The following PDZRN3 variants were observed in gnomAD, a reference collection of about 807,000 sequenced individuals.
PDZRN3 encodes the protein PDZ domain containing ring finger 3.
PDZRN3 carries 38 observed loss-of-function variants against 85.7 expected under a neutral mutation model. The observed-to-expected ratio is 0.44, with a 90% CI of 0.34 to 0.58. The LOEUF is 0.58. Among genes scored for constraint, PDZRN3 ranks in the 20% least tolerant of loss-of-function variants. PDZRN3 has a pLI of 0.01. For missense variants in PDZRN3, 1,629 were observed against 1,506.4 expected, an observed-to-expected ratio of 1.08 and a Z score of -1.35; for synonymous variants, 759 against 638.0, an observed-to-expected ratio of 1.19 and a Z score of -2.86.
intron 3 of PDZRN3, among the ~76,000 whole-genome samples, chr3:73,426,170 C>T (rs1294748210): frequency 2.6e-5 from 4 of 151,912 alleles, no homozygotes; most frequent in Admixed American, 6.6e-5. Context: ...TATATATATA[C>T]ACACATGCAT....
chr3:73,463,929 G>A (rs1397332839), intron 3 of PDZRN3, among the ~76,000 whole-genome samples: 5 of 151,950 alleles, frequency 3.3e-5, no homozygotes, highest in Admixed American at 2.6e-4. Flanking sequence ...CATCCTGCAC[G>A]TTACCCCTGA....
chr3:73,424,415 C>T (rs1322192485), intron 3 of PDZRN3, among the ~76,000 whole-genome samples: 2 of 146,144 alleles, frequency 1.4e-5, no homozygotes, highest in African/African-American at 5.1e-5. Context: ...GTGGCAGGTG[C>T]CTGTAGTCCC....
chr3:73,475,050 C>T (rs1277584058), intron 3 of PDZRN3, among the ~76,000 whole-genome samples: 2 of 151,874 alleles, frequency 1.3e-5, no homozygotes. Context: ...ATGAGCAAGT[C>T]CAGGCATTGA....
chr3:73,453,872 T>C (rs564513509), intron 3 of PDZRN3, among the ~76,000 whole-genome samples: 2 of 152,308 alleles, frequency 1.3e-5, no homozygotes, highest in Non-Finnish European at 2.9e-5. Flanking sequence ...TCAGTGCCTC[T>C]TATCCTTGTC....
At chr3:73,502,763 T>C (rs1704004950) in intron 3 of PDZRN3, among the ~76,000 whole-genome samples, 3 of 152,216 alleles carry the variant, frequency 2.0e-5, no homozygotes, top group Admixed American at 2.0e-4. Flanking sequence ...CAGGTATTTC[T>C]AAAGATCAGC....
At chr3:73,555,640 AC>A (rs1404507751) in intron 3 of PDZRN3, among the ~76,000 whole-genome samples, 1 of 152,162 alleles carries the variant, frequency 6.6e-6, no homozygotes, top group African/African-American at 2.4e-5. Context: ...CAAGTCCTAT[AC>A]TTTGGGGAGG....
Position 73,391,122 on chromosome 3 carries a change from C to T in PDZRN3, c.1255-6G>A, listed in dbSNP as rs1317179728. On this transcript the variant is annotated splice_polypyrimidine_tract_variant and splice_region_variant and intron_variant, in intron 5 of 9. Transcript: ENST00000263666. ...ATTCTGTAGAGGTCCACTTCCTAGA[C>T]AAAGAAAGGCATTCCCAGTGAGACT... The T allele has an allele frequency of 2.5e-6, 4 of 1,582,424 alleles. No individual in the cohort carries two copies. The highest frequency in any genetic ancestry group is 3.5e-6 in the Non-Finnish European group (4 of 1,151,926).
intron 3 of PDZRN3, chr3:73,569,029 T>C (rs372171316): frequency 7.0e-5 from 31 of 445,326 alleles, no homozygotes; most frequent in African/African-American, 5.7e-4. Flanking sequence ...TTCCCATTTC[T>C]AGATGAAAAA....
At chr3:73,568,565 A>G (rs1701989133) in intron 3 of PDZRN3, among the ~76,000 whole-genome samples, 1 of 152,168 alleles carries the variant, frequency 6.6e-6, no homozygotes, top group South Asian at 2.1e-4. Context: ...GATCAACACA[A>G]ATACACACCA....
chr3:73,425,831 GC>G (rs1450212969), intron 3 of PDZRN3, among the ~76,000 whole-genome samples: 1 of 152,126 alleles, frequency 6.6e-6, no homozygotes, highest in Non-Finnish European at 1.5e-5. Context: ...TAACCTGAAA[GC>G]CCCCCAGATG....
intron 3 of PDZRN3, among the ~76,000 whole-genome samples, chr3:73,494,733 C>A (rs1012920972): frequency 7.2e-5 from 11 of 152,182 alleles, no homozygotes; most frequent in African/African-American, 2.6e-4. Flanking sequence ...TTTTCTTCTG[C>A]ATTATTTGAA....
At chr3:73,397,445 C>T (rs973839245) in intron 5 of PDZRN3, among the ~76,000 whole-genome samples, 3 of 152,204 alleles carry the variant, frequency 2.0e-5, no homozygotes, top group Admixed American at 2.0e-4. Context: ...CAGACTGCGA[C>T]TGTTCTAAGA....
At chr3:73,619,701 T>C (rs1702823091) in intron 1 of PDZRN3, among the ~76,000 whole-genome samples, 2 of 151,768 alleles carry the variant, frequency 1.3e-5, no homozygotes, top group South Asian at 2.1e-4. Flanking sequence ...AAGAAGAGGA[T>C]GAAGGGGAGA....
intron 3 of PDZRN3, among the ~76,000 whole-genome samples, chr3:73,546,996 C>T (rs545056098): frequency 6.6e-6 from 1 of 152,306 alleles, no homozygotes; most frequent in African/African-American, 2.4e-5. Context: ...TTTCCATGTA[C>T]CCAGGTTCTG....
At chr3:73,620,202 G>T (rs1200071930) in intron 1 of PDZRN3, among the ~76,000 whole-genome samples, 1 of 152,178 alleles carries the variant, frequency 6.6e-6, no homozygotes, top group East Asian at 1.9e-4. Context: ...GTGAGCTGGA[G>T]AGCTGTGAAT....
chr3:73,586,493 A>G (rs1365142530), intron 3 of PDZRN3, among the ~76,000 whole-genome samples: 1 of 152,248 alleles, frequency 6.6e-6, no homozygotes, highest in African/African-American at 2.4e-5. Context: ...GCATGGTGCT[A>G]GTACTGAGAA....
chr3:73,574,620 G>A (rs1256977906), intron 3 of PDZRN3, among the ~76,000 whole-genome samples: 2 of 152,000 alleles, frequency 1.3e-5, no homozygotes, highest in South Asian at 2.1e-4. Context: ...CACCACGCCC[G>A]GCTAATTTTT....
chr3:73,552,663 T>C (rs1259387614), intron 3 of PDZRN3, among the ~76,000 whole-genome samples: 1 of 152,254 alleles, frequency 6.6e-6, no homozygotes, highest in African/African-American at 2.4e-5. Flanking sequence ...TCGCTATTTA[T>C]GTTAGTGAAT....
intron 3 of PDZRN3, among the ~76,000 whole-genome samples, chr3:73,421,282 G>A (rs2106776202): frequency 6.6e-6 from 1 of 152,270 alleles, no homozygotes; most frequent in African/African-American, 2.4e-5. Flanking sequence ...CTGAGCTTCA[G>A]AAGAAGAGTT....
Sources: allele counts gnomAD v4.1 joint callset (sites outside exome capture counted in the v4.1 genomes callset), GRCh38; gene constraint gnomAD v4.1.1; transcripts MANE v1.5; gene names NCBI Gene and HGNC (gene_info 2026-07-23, HGNC 2026-07-21).